The following RYK variants were observed in gnomAD, a reference collection of about 807,000 sequenced individuals.
RYK encodes inactive tyrosine-protein kinase RYK.
In RYK, 21 loss-of-function variants were observed where a neutral mutation model predicts 70.2. The observed-to-expected ratio is 0.30, with a 90% CI of 0.21 to 0.43. The LOEUF (loss-of-function observed/expected upper bound fraction) is 0.43, where lower values mean the gene tolerates loss of function less well. RYK is among the 20% of genes least tolerant of loss of function. The pLI is 1.00. For missense variants in RYK, 604 were observed against 753.3 expected, an observed-to-expected ratio of 0.80 and a Z score of 2.32; for synonymous variants, 267 against 278.0, an observed-to-expected ratio of 0.96 and a Z score of 0.39.
In RYK at chr3:134,199,908, T is replaced by C. The variant is rs2013936069; in HGVS notation, c.788+2822A>G. On this transcript the variant is annotated intron_variant, in intron 6 of 14. Transcript: ENST00000623711. Reference sequence around the variant, plus strand: ...TTTGTAAACGCACCAATCAGTGGTCTGTGTCTAGCTAATCAGGTAGGGGAC... The same window carrying C: ...TTTGTAAACGCACCAATCAGTGGTCCGTGTCTAGCTAATCAGGTAGGGGAC... Among the ~76,000 whole-genome samples the C allele has an allele frequency of 3.4e-5, 4 of 117,012 alleles. No homozygotes were observed. In the South Asian group the frequency reaches 1.0e-3, roughly 30 times the overall value. The allele number at this position is 117,012 out of a possible 152,430, so 76.8% of individuals were successfully genotyped here.
At chr3:134,212,262 C>G (rs1299079374) in intron 2 of RYK, among the ~76,000 whole-genome samples, 1 of 152,218 alleles carries the variant, frequency 6.6e-6, no homozygotes, top group Non-Finnish European at 1.5e-5. Context: ...CAATACTTGG[C>G]CTACCCAATG....
intron 6 of RYK, among the ~76,000 whole-genome samples, chr3:134,199,415 T>C (rs2107672968): frequency 6.6e-6 from 1 of 152,376 alleles, no homozygotes; most frequent in Non-Finnish European, 1.5e-5. Flanking sequence ...TTTTATACAA[T>C]GACAATAGTG....
intron 11 of RYK, among the ~76,000 whole-genome samples, chr3:134,176,824 G>A (rs1313207722): frequency 1.3e-5 from 2 of 152,086 alleles, no homozygotes; most frequent in Non-Finnish European, 2.9e-5. Flanking sequence ...GCTGAGGCAG[G>A]CAGATCACGA....
chr3:134,198,506 G>A (rs1173430638), intron 6 of RYK, among the ~76,000 whole-genome samples: 1 of 152,068 alleles, frequency 6.6e-6, no homozygotes, highest in Non-Finnish European at 1.5e-5. Context: ...CATCCAACCA[G>A]ACTATAAACT....
intron 1 of RYK, among the ~76,000 whole-genome samples, chr3:134,231,162 T>TA (rs1218903613): frequency 9.9e-6 from 1 of 101,048 alleles, no homozygotes; most frequent in African/African-American, 3.8e-5. Context: ...TTAAGCTAGA[T>TA]AAAAAGTACC....
intron 1 of RYK, among the ~76,000 whole-genome samples, chr3:134,226,416 T>C (rs904452850): frequency 4.6e-5 from 7 of 152,122 alleles, no homozygotes; most frequent in Admixed American, 3.9e-4. Flanking sequence ...CTATCAAACA[T>C]TTAGGGAAGA....
intron 2 of RYK, 77 bp from the exon 3 acceptor site, chr3:134,211,684 G>T: frequency 2.1e-6 from 2 of 936,700 alleles, no homozygotes; most frequent in Non-Finnish European, 1.7e-6. Context: ...TCATTAATTG[G>T]CTCATTAATC....
chr3:134,176,382 CT>C (rs1194683387), intron 11 of RYK, among the ~76,000 whole-genome samples: 20 of 152,242 alleles, frequency 1.3e-4, no homozygotes, highest in East Asian at 1.9e-4. Flanking sequence ...ATTCAGTAAT[CT>C]TTTTTTCCCC....
chr3:134,160,809 C>T (rs978078250), intron 13 of RYK, among the ~76,000 whole-genome samples: 1 of 152,108 alleles, frequency 6.6e-6, no homozygotes, highest in African/African-American at 2.4e-5. Flanking sequence ...GAGCCGAGAT[C>T]GCGCCACTGC....
At chr3:134,209,941 T>A in intron 3 of RYK, 112 bp from the exon 4 acceptor site, 1 of 830,084 alleles carries the variant, frequency 1.2e-6, no homozygotes, top group Non-Finnish European at 1.8e-6. Flanking sequence ...GCAAGAAAAC[T>A]AAAAGTAATA....
chr3:134,166,928 T>A (rs915093568), intron 13 of RYK, among the ~76,000 whole-genome samples: 6 of 152,140 alleles, frequency 3.9e-5, no homozygotes, highest in South Asian at 2.1e-4. Context: ...CTAAACAATA[T>A]CTTAATGTTA....
chr3:134,176,028 C>T lies in RYK; in HGVS notation c.1317G>A (p.Gln439=). Residue 439 remains glutamine (Q), a synonymous_variant, in exon 12 of 15, where the codon CAG becomes CAA. Transcript: ENST00000623711. The part of the protein sequence containing the change: ...VEANNPQAIS[Q]QDLVHMAIQI... ...GAATAGCCATGTGTACCAGGTCTTG[C>T]TGAGAAATTGCCTGTGGTAACAAAA... The T allele has an allele frequency of 6.3e-7, 1 of 1,593,764 alleles. No homozygotes were observed. Among genetic ancestry groups the T allele is most frequent in the African/African-American group, 1.3e-5 (1 of 74,736 alleles).
At position 134,223,944 on chromosome 3, in the gene RYK, T is replaced by A. The variant is rs528797327; in HGVS notation, c.233-1405A>T. On this transcript the variant is annotated intron_variant, in intron 1 of 14. Transcript: ENST00000623711. The stretch of plus-strand genomic sequence containing the variant: ...TCCTACAGGTATTTATCCTGTAAAA[T>A]TAGTTTTCTCGTTTCTGAACTAGGT... Among the ~76,000 whole-genome samples, 5 of 152,256 alleles carry A rather than the reference T, an allele frequency of 3.3e-5. No homozygotes were observed. The East Asian group carries it at 9.7e-4, about 29-fold the overall frequency.
chr3:134,225,056 T>G (rs1405084475), intron 1 of RYK, among the ~76,000 whole-genome samples: 1 of 152,222 alleles, frequency 6.6e-6, no homozygotes, highest in African/African-American at 2.4e-5. Context: ...CAGCACTAGC[T>G]GGGTAGCACT....
At chr3:134,201,448 G>A (rs995888462) in intron 6 of RYK, among the ~76,000 whole-genome samples, 3 of 151,944 alleles carry the variant, frequency 2.0e-5, no homozygotes, top group Non-Finnish European at 2.9e-5. Flanking sequence ...CTCCCTAACT[G>A]GAAAAAGCTT....
At chr3:134,190,357 T>A (rs560018065) in intron 8 of RYK, among the ~76,000 whole-genome samples, 2 of 152,234 alleles carry the variant, frequency 1.3e-5, no homozygotes, top group South Asian at 4.1e-4. Context: ...GTCCCATTTT[T>A]AAATATTACT....
chr3:134,231,277 T>C (rs1025118625), intron 1 of RYK, among the ~76,000 whole-genome samples: 6 of 151,938 alleles, frequency 3.9e-5, no homozygotes, highest in East Asian at 1.9e-4. Flanking sequence ...TTTGTTCTAC[T>C]AGAAATTTTA....
intron 13 of RYK, among the ~76,000 whole-genome samples, chr3:134,173,279 C>CAAA (rs370721110): frequency 1.7e-4 from 21 of 125,852 alleles, no homozygotes; most frequent in Admixed American, 5.5e-4. Flanking sequence ...GACTCTGTCT[C>CAAA]AAAAAAAAAA....
chr3:134,226,577 ACATAGATT>A (rs1485884944), intron 1 of RYK, among the ~76,000 whole-genome samples: 2 of 152,162 alleles, frequency 1.3e-5, no homozygotes, highest in Non-Finnish European at 2.9e-5. Context: ...TCCCTTATGA[ACATAGATT>A]CATTCTCCAC....
Sources: allele counts gnomAD v4.1 joint callset (sites outside exome capture counted in the v4.1 genomes callset), GRCh38; gene constraint gnomAD v4.1.1; transcripts MANE v1.5; gene names NCBI Gene and HGNC (gene_info 2026-07-23, HGNC 2026-07-21).